Variants in PIK3CD observed in about 807,000 individuals in gnomAD.
The protein encoded by PIK3CD is phosphatidylinositol-4,5-bisphosphate 3-kinase catalytic subunit delta.
PIK3CD carries 20 observed loss-of-function variants against 122.9 expected under a neutral mutation model. That is an observed-to-expected ratio of 0.16 (90% CI 0.11 to 0.24). The LOEUF is 0.24. Among genes scored for constraint, PIK3CD ranks in the 10% least tolerant of loss-of-function variants. The pLI, the probability that PIK3CD is intolerant of heterozygous loss-of-function variation, is 1.00. For synonymous variants in PIK3CD, 596 were observed against 593.4 expected (o/e 1.00, Z -0.06); for missense variants, 787 against 1,406.3 (o/e 0.56, Z 7.04).
intron 2 of PIK3CD, among the ~76,000 whole-genome samples, chr1:9,709,464 T>A (rs1432831438): frequency 6.6e-6 from 1 of 151,902 alleles, no homozygotes; most frequent in Non-Finnish European, 1.5e-5. Flanking sequence ...CCCAGCACTT[T>A]GGGAGGCCAG....
At position 9,727,516 on chromosome 1, in the gene PIK3CD, C is replaced by T. The variant is rs543774770; in HGVS notation, c.*470C>T. The T allele has an allele frequency of 7.3e-5, 19 of 259,302 alleles. No homozygotes were observed. Among genetic ancestry groups the T allele is most frequent in the Middle Eastern group, 1.3e-3 (1 of 798 alleles). The allele number at this position is 259,302 out of a possible 1,614,324, so 16.1% of individuals were successfully genotyped here. On this transcript the variant is annotated 3_prime_UTR_variant, in exon 24 of 24. Coordinates refer to ENST00000377346, the MANE Select transcript of PIK3CD (RefSeq NM_005026.5). ...AGTTCTGGCAGCTCCCCGAGGCAGC[C>T]GGGGTACCCTCTAGATTCAGGGATG...
At chr1:9,649,641 C>T (rs1292321445), upstream of PIK3CD, among the ~76,000 whole-genome samples, 1 of 152,214 alleles carries the variant, frequency 6.6e-6, no homozygotes, top group Non-Finnish European at 1.5e-5. Context: ...CCTCAGATCC[C>T]TCATCTGTCC....
chr1:9,644,190 G>A, the PIK3CD span, among the ~76,000 whole-genome samples: 1 of 152,014 alleles, frequency 6.6e-6, no homozygotes, highest in Non-Finnish European at 1.5e-5. Context: ...AAGTTCTGCA[G>A]GGACGTTCTG....
Position 9,715,850 on chromosome 1 carries a change from C to G in PIK3CD, c.372C>G (p.Gly124=). ...GACCCAGCCCTCCCCACCCCGCAGG[C>G]CTCCACGAGTTTGACTCCTTGTGCG... The part of the protein sequence containing the change: ...NSQISLLIGK[G]LHEFDSLCDP... The change falls in exon 5 of 24, where the codon GGC becomes GGG. Residue 124 remains glycine (G), a splice_region_variant and synonymous_variant. Transcript: ENST00000377346. The surrounding 1 kb of genome is among the most constrained non-coding windows in gnomAD (Gnocchi z 4.1). The G allele has an allele frequency of 6.3e-7, 1 of 1,590,858 alleles. No homozygotes were observed. Among genetic ancestry groups the G allele is most frequent in the South Asian group, 1.1e-5 (1 of 90,602 alleles).
At chr1:9,659,158 TG>T (rs1272767081) in intron 1 of PIK3CD, among the ~76,000 whole-genome samples, 1 of 151,050 alleles carries the variant, frequency 6.6e-6, no homozygotes, top group East Asian at 1.9e-4. Flanking sequence ...CACTGGGGCT[TG>T]TGAGGGTGGG....
At chr1:9,653,263 A>G (rs939508586) in intron 1 of PIK3CD, 2 of 159,102 alleles carry the variant, frequency 1.3e-5, no homozygotes, top group African/African-American at 2.4e-5. Context: ...GTTCTTGACA[A>G]TTGAATGGTA....
intron 1 of PIK3CD, among the ~76,000 whole-genome samples, chr1:9,690,631 A>G (rs1031911761): frequency 2.0e-5 from 3 of 152,160 alleles, no homozygotes; most frequent in Non-Finnish European, 4.4e-5. Flanking sequence ...GGGTCCCCGG[A>G]GCATCTTTGC....
At chr1:9,649,101 C>CAACAAACA (rs57842154), upstream of PIK3CD, among the ~76,000 whole-genome samples, 630 of 149,728 alleles carry the variant, frequency 4.2e-3, 7 homozygotes, top group South Asian at 0.033. Context: ...GACCCTGTCT[C>CAACAAACA]AACAAACAAA....
chr1:9,654,080 T>C, intron 1 of PIK3CD: 1 of 1,189,612 alleles, frequency 8.4e-7, no homozygotes, highest in Non-Finnish European at 1.1e-6. Context: ...CTGAGAAACA[T>C]AATACAACAA....
rs575067137 is a variant in PIK3CD, at chr1:9,703,736, A to G, written c.-32-6688A>G. On this transcript the variant is annotated intron_variant, in intron 2 of 23. Coordinates refer to ENST00000377346, the MANE Select transcript of PIK3CD (RefSeq NM_005026.5). ...ACATTCTGCTCAGAAAGAGTATCACACATTATTTTGCCATTCCCCATTCTG... is the reference window on the plus strand; with the variant it reads ...ACATTCTGCTCAGAAAGAGTATCACGCATTATTTTGCCATTCCCCATTCTG... Among the ~76,000 whole-genome samples, 6 of 152,280 alleles carry G rather than the reference A, an allele frequency of 3.9e-5. No individual in the cohort carries two copies. The East Asian group carries it at 7.7e-4, about 20-fold the overall frequency.
At position 9,715,038 on chromosome 1, in the gene PIK3CD, ATGGTGGTGCATGCCTAT is replaced by A. The variant is rs1038527459; in HGVS notation, c.142-502_142-486del. Among the ~76,000 whole-genome samples, 1 of 152,134 alleles carries A rather than the reference ATGGTGGTGCATGCCTAT, an allele frequency of 6.6e-6. No individual in the cohort carries two copies. The highest frequency in any genetic ancestry group is 6.5e-5 in the Admixed American group (1 of 15,284). On this transcript the variant is annotated intron_variant, in intron 3 of 23. Transcript: ENST00000377346. This position sits in a 1 kb window ranked among gnomAD's most constrained non-coding sequence, Gnocchi z 4.1. The stretch of plus-strand genomic sequence containing the variant: ...AAAAATACAAAAAATTTAGCCAGGC[ATGGTGGTGCATGCCTAT>A]AATCCCAGCTACTCGGGAGGCTGAG...
chr1:9,677,907 T>C (rs1645598928), intron 1 of PIK3CD, among the ~76,000 whole-genome samples: 2 of 151,866 alleles, frequency 1.3e-5, no homozygotes, highest in Admixed American at 1.3e-4. Context: ...TCCCAGCACT[T>C]TGAGAGATCC....
the PIK3CD span, among the ~76,000 whole-genome samples, chr1:9,627,627 C>T: frequency 2.0e-5 from 3 of 152,194 alleles, no homozygotes; most frequent in African/African-American, 7.2e-5. Context: ...TGGTTCTGGG[C>T]ACTTTACAGA....
At chr1:9,687,191 T>C (rs1483488759) in intron 1 of PIK3CD, 2 of 152,208 alleles carry the variant, frequency 1.3e-5, no homozygotes, top group African/African-American at 4.8e-5. Flanking sequence ...AACGGAAGTC[T>C]TCGCGCAGGG....
intron 2 of PIK3CD, among the ~76,000 whole-genome samples, chr1:9,707,935 G>A (rs1277916067): frequency 6.7e-6 from 1 of 149,342 alleles, no homozygotes; most frequent in Admixed American, 6.7e-5. Context: ...CTGGGACTAT[G>A]GGTGCCCGCC....
rs969330944 is a variant in PIK3CD, at chr1:9,710,942, C to T, written c.141+346C>T. On this transcript the variant is annotated intron_variant, in intron 3 of 23. Transcript: ENST00000377346. This position sits in a 1 kb window ranked among gnomAD's most constrained non-coding sequence, Gnocchi z 4.7. ...CTGGGATTACAGGCATGCACCATCA[C>T]GCCCAACTAATTTTGTATTTTTAGT... is the stretch of plus-strand genomic sequence containing the variant. 6.6e-6 allele frequency among the ~76,000 whole-genome samples: 1 copy of T among 152,004 alleles called. No homozygotes were observed. The highest frequency in any genetic ancestry group is 2.1e-4 in the South Asian group (1 of 4,812).
chr1:9,640,462 C>T, the PIK3CD span, among the ~76,000 whole-genome samples: 1 of 147,110 alleles, frequency 6.8e-6, no homozygotes, highest in Non-Finnish European at 1.5e-5. Context: ...CGCCTGTAAT[C>T]CCAGCTACTT....
At chr1:9,660,616 C>G (rs1031245772) in intron 1 of PIK3CD, among the ~76,000 whole-genome samples, 1 of 152,130 alleles carries the variant, frequency 6.6e-6, no homozygotes, top group Non-Finnish European at 1.5e-5. Flanking sequence ...TTGCCCAGAT[C>G]CACCGGGAAA....
chr1:9,681,927 C>G (rs1273756229), intron 1 of PIK3CD, among the ~76,000 whole-genome samples: 1 of 152,142 alleles, frequency 6.6e-6, no homozygotes, highest in Non-Finnish European at 1.5e-5. Context: ...CCAGCTTGTT[C>G]TGGAAGGGAT....
Sources: gnomAD v4.1 joint callset for allele counts (sites outside exome capture counted in the v4.1 genomes callset) on GRCh38, gnomAD v4.1.1 for gene constraint, Gnocchi (gnomAD v3.1) non-coding constraint, MANE v1.5 for transcripts, NCBI Gene and HGNC (gene_info 2026-07-23, HGNC 2026-07-21) for gene names.